The following MORC4 variants were observed in gnomAD, a reference collection of about 807,000 sequenced individuals.
MORC4 encodes the protein MORC family CW-type zinc finger 4, also known as MORC family CW-type zinc finger protein 4.
In MORC4, 22 loss-of-function variants were observed where a neutral mutation model predicts 65.5. The ratio of observed to expected loss-of-function variants is 0.34; its 90% confidence interval spans 0.24 to 0.48. MORC4 has a LOEUF of 0.48. Ranked by LOEUF, MORC4 falls within the 20% of genes least tolerant of loss-of-function variation. MORC4 has a pLI of 0.99. For synonymous variants in MORC4, 267 were observed against 255.8 expected (o/e 1.04, Z -0.42); for missense variants, 624 against 703.0 (o/e 0.89, Z 1.27).
In MORC4 at chrX:106,943,095, A is replaced by G; in HGVS notation, c.1796T>C (p.Val599Ala). ...TTCTGGGTAGGCAACAGGTGCTTCT[A>G]CCCTCCTGTAAGGAGCAGGCATGGA... ...DYSMPAPYRRVEAPVAYPEGE... is the reference protein window; with the variant it reads ...DYSMPAPYRRAEAPVAYPEGE... The change falls in exon 15 of 17, where the codon GTA (valine) becomes GCA (alanine). Residue 599 changes from valine (V) to alanine (A), a missense_variant. Val to Ala is a moderately conservative substitution (Grantham distance 64). Transcript: ENST00000355610. The G allele has an allele frequency of 8.3e-7, 1 of 1,210,016 alleles. No individual in the cohort carries two copies.
At chrX:106,990,238 AT>A (rs1934954169) in intron 3 of MORC4, among the ~76,000 whole-genome samples, 1 of 109,452 alleles carries the variant, frequency 9.1e-6, no homozygotes, top group African/African-American at 3.3e-5. Flanking sequence ...GGACTAAAAA[AT>A]CTCTTTTATT....
chrX:106,953,805 T>C, intron 14 of MORC4, among the ~76,000 whole-genome samples: 1 of 112,022 alleles, frequency 8.9e-6, no homozygotes, highest in South Asian at 3.7e-4. Flanking sequence ...TAAGGAGATA[T>C]CCAAAGTGAA....
chrX:106,941,422 G>T lies in MORC4; in HGVS notation c.*57C>A. The T allele has an allele frequency of 5.6e-6, 5 of 887,639 alleles. No homozygotes were observed. Among genetic ancestry groups the T allele is most frequent in the Non-Finnish European group, 7.8e-6 (5 of 638,825 alleles). 73.2% of individuals were successfully genotyped at this position (887,639 alleles called of 1,213,427 possible). A position where few individuals can be genotyped will look rare whatever the true frequency, so the allele number is the denominator to read the frequency against. On this transcript the variant is annotated 3_prime_UTR_variant, in exon 17 of 17. Coordinates refer to ENST00000355610, the MANE Select transcript of MORC4 (RefSeq NM_024657.5). ...AGAGAGAGAGAGAGACGTGAGGGAG[G>T]GAGAGAAAAGAGAACAGACAGAAGA... is the stretch of plus-strand genomic sequence containing the variant.
At chrX:106,992,956 T>G (rs1935008530) in intron 3 of MORC4, among the ~76,000 whole-genome samples, 1 of 112,389 alleles carries the variant, frequency 8.9e-6, no homozygotes, top group African/African-American at 3.2e-5. Context: ...CAGATTGGGC[T>G]CCCCTGATGA....
At position 106,954,952 on chromosome X, in the gene MORC4, TGAA is replaced by T; in HGVS notation, c.1643_1645del (p.Leu548del). The T allele has an allele frequency of 8.3e-7, 1 of 1,210,323 alleles. No individual in the cohort carries two copies. The highest frequency in any genetic ancestry group is 1.1e-6 in the Non-Finnish European group (1 of 895,047). The stretch of plus-strand genomic sequence containing the variant: ...AACACTGGAATCCAGAGGCTTAAGT[TGAA>T]GAGATGGTGATCTGCTTTCTTCTCC... On this transcript the variant is annotated inframe_deletion, in exon 14 of 17. Coordinates refer to ENST00000355610, the MANE Select transcript of MORC4 (RefSeq NM_024657.5).
intron 5 of MORC4, among the ~76,000 whole-genome samples, chrX:106,983,726 T>A (rs1007652597): frequency 1.7e-4 from 18 of 108,295 alleles, no homozygotes; most frequent in African/African-American, 5.7e-4. Context: ...TTTTTTTTTT[T>A]AAAGAGACAG....
intron 3 of MORC4, 28 bp from the exon 4 acceptor site, chrX:106,986,228 A>G: frequency 4.6e-6 from 5 of 1,092,557 alleles, no homozygotes; most frequent in Non-Finnish European, 6.2e-6. Context: ...AAAACAAATC[A>G]GAAAAAAAGA....
chrX:106,959,810 G>A (rs1934191491), intron 10 of MORC4, among the ~76,000 whole-genome samples: 1 of 112,107 alleles, frequency 8.9e-6, no homozygotes, highest in African/African-American at 3.2e-5. Flanking sequence ...AAAGTGCTGG[G>A]ATTACAGGCA....
intron 2 of MORC4, among the ~76,000 whole-genome samples, chrX:106,995,370 A>T (rs926129505): frequency 1.8e-5 from 2 of 111,919 alleles, no homozygotes; most frequent in Non-Finnish European, 3.8e-5. Flanking sequence ...TCACACCCTG[A>T]TCCCAGACGA....
rs58310740 is a variant in MORC4, at chrX:106,941,371, T to TGA, written c.*106_*107dup. 0.08 allele frequency: 30,059 copies of TGA among 374,980 alleles called. 985 individuals carry two copies. The highest frequency in any genetic ancestry group is 0.096 in the Non-Finnish European group (21,205 of 220,451). 30.9% of individuals were successfully genotyped at this position (374,980 alleles called of 1,213,427 possible). A position where few individuals can be genotyped will look rare whatever the true frequency, so the allele number is the denominator to read the frequency against. ...TCTATATAAGGCATAAAGGTGAGGGTGAGAGAGAGAGAGAGAGAGAGAGAG... is the reference window on the plus strand; with the variant it reads ...TCTATATAAGGCATAAAGGTGAGGGTGAGAGAGAGAGAGAGAGAGAGAGAGAG... On this transcript the variant is annotated 3_prime_UTR_variant, in exon 17 of 17. Coordinates refer to ENST00000355610, the MANE Select transcript of MORC4 (RefSeq NM_024657.5).
In MORC4 at chrX:106,942,698, C is replaced by A. The variant is rs1211995285; in HGVS notation, c.2193G>T (p.Val731=). Residue 731 remains valine (V), a synonymous_variant, in exon 15 of 17, where the codon GTG becomes GTT. Coordinates refer to ENST00000355610, the MANE Select transcript of MORC4 (RefSeq NM_024657.5). ...RRKAVESWNP[V]PYSVASAAIP... ...TTGCAGCAGAGGCCACAGAATAAGG[C>A]ACTGGGTTCCAGGATTCAACTGCTT... is the stretch of plus-strand genomic sequence containing the variant. 2 of 1,211,604 alleles carry A rather than the reference C, an allele frequency of 1.7e-6. No individual in the cohort carries two copies.
intron 9 of MORC4, among the ~76,000 whole-genome samples, chrX:106,963,755 G>A: frequency 9.0e-6 from 1 of 110,689 alleles, no homozygotes; most frequent in Non-Finnish European, 1.9e-5. Context: ...GCACATATGG[G>A]GAAAATTAGA....
At chrX:106,945,442 G>GTGTA (rs1256330605) in intron 14 of MORC4, among the ~76,000 whole-genome samples, 1 of 105,061 alleles carries the variant, frequency 9.5e-6, no homozygotes, top group Non-Finnish European at 1.9e-5. Context: ...GTGTGTGTGT[G>GTGTA]TGTGTGTGTG....
At chrX:106,976,265 T>C (rs1934623318) in intron 9 of MORC4, among the ~76,000 whole-genome samples, 1 of 111,779 alleles carries the variant, frequency 8.9e-6, no homozygotes, top group Non-Finnish European at 1.9e-5. Flanking sequence ...ATGTATTCCA[T>C]AACTTCAGAT....
At chrX:106,974,332 C>T (rs935558248) in intron 9 of MORC4, among the ~76,000 whole-genome samples, 2 of 111,527 alleles carry the variant, frequency 1.8e-5, no homozygotes, top group Admixed American at 1.9e-4. Context: ...TGGCTCTACT[C>T]TACTCATTTA....
chrX:106,966,454 T>C (rs1013637567), intron 9 of MORC4, among the ~76,000 whole-genome samples: 4 of 112,395 alleles, frequency 3.6e-5, no homozygotes, highest in Non-Finnish European at 5.6e-5. Context: ...GTGCAGACCA[T>C]GGAGGGCAAG....
chrX:106,947,167 T>C (rs925639151), intron 14 of MORC4, among the ~76,000 whole-genome samples: 7 of 111,062 alleles, frequency 6.3e-5, no homozygotes, highest in African/African-American at 2.0e-4. Flanking sequence ...CTTAGGTTGT[T>C]GATTTCTAAT....
At chrX:106,998,251 CTA>C (rs1407296667) in intron 2 of MORC4, among the ~76,000 whole-genome samples, 1 of 112,356 alleles carries the variant, frequency 8.9e-6, no homozygotes, top group African/African-American at 3.2e-5. Context: ...GTCTTAAAAT[CTA>C]TGTTTGTATA....
Position 106,999,846 on chromosome X carries a change from C to T in MORC4, c.102+22G>A, listed in dbSNP as rs1314457345. ...GCCCAGGGGCCCGCGCGCGCGTCCG[C>T]CCCCTCGGGCCCCGGACCTACCGTG... On this transcript the variant is annotated intron_variant, in intron 1 of 16. Transcript: ENST00000355610. 8.7e-5 allele frequency: 73 copies of T among 838,442 alleles called. No individual in the cohort carries two copies. The African/African-American group carries it at 1.5e-3, about 18-fold the overall frequency. 69.1% of individuals were successfully genotyped at this position (838,442 alleles called of 1,213,427 possible). A position where few individuals can be genotyped will look rare whatever the true frequency, so the allele number is the denominator to read the frequency against.
Sources: allele counts gnomAD v4.1 joint callset (sites outside exome capture counted in the v4.1 genomes callset), GRCh38; gene constraint gnomAD v4.1.1; transcripts MANE v1.5; gene names NCBI Gene and HGNC (gene_info 2026-07-23, HGNC 2026-07-21).